COL16A1: variants seen among roughly 807,000 people sequenced by gnomAD.
COL16A1 encodes the protein collagen type XVI alpha 1 chain.
COL16A1 carries 189 observed loss-of-function variants against 266.3 expected under a neutral mutation model. That is an observed-to-expected ratio of 0.71 (90% confidence interval 0.63 to 0.80). The LOEUF (loss-of-function observed/expected upper bound fraction) is 0.80. Ranked by LOEUF, COL16A1 falls within the 30% of genes least tolerant of loss-of-function variation. The probability of loss-of-function intolerance (pLI) is 0.00; values close to 1 mark genes in which losing one functional copy is unlikely to be tolerated. For synonymous variants in COL16A1, 740 were observed against 782.3 expected, an observed-to-expected ratio of 0.95 and a Z score of 0.90; for missense variants, 1,928 against 2,122.4, an observed-to-expected ratio of 0.91 and a Z score of 1.80.
intron 20 of COL16A1, 140 bp from the exon 21 acceptor site, chr1:31,690,713 G>C (rs909203424): frequency 7.3e-7 from 1 of 1,375,354 alleles, no homozygotes; most frequent in Non-Finnish European, 9.7e-7. Context: ...CCATTCGGTC[G>C]GTTCCTGTTG....
Position 31,693,089 on chromosome 1 carries a change from T to G in COL16A1, c.1071+3A>C. 1 of 1,600,214 alleles carries G rather than the reference T, an allele frequency of 6.2e-7. No homozygotes were observed. The highest frequency in any genetic ancestry group is 1.1e-5 in the South Asian group (1 of 90,596). Reference sequence around the variant, plus strand: ...CTGCCACGGGCAGGGCTGGGACACTTACCCGTGCTCCCTTCTCTCCCTTGG... The same window carrying G: ...CTGCCACGGGCAGGGCTGGGACACTGACCCGTGCTCCCTTCTCTCCCTTGG... On this transcript the variant is annotated splice_donor_region_variant and intron_variant, in intron 13 of 70. Transcript: ENST00000373672.
chr1:31,662,322 C>G lies in COL16A1; in HGVS notation c.3681+12G>C, dbSNP rs1208100425. On this transcript the variant is annotated intron_variant, in intron 58 of 70. Coordinates refer to ENST00000373672, the MANE Select transcript of COL16A1 (RefSeq NM_001856.4). Reference sequence around the variant, plus strand: ...AGGAAGGGGTGCCCGCCCTCCCAGCCCATCATCTCACCCTCAAGCCAGGCT... The same window carrying G: ...AGGAAGGGGTGCCCGCCCTCCCAGCGCATCATCTCACCCTCAAGCCAGGCT... The G allele has an allele frequency of 6.2e-7, 1 of 1,610,276 alleles. No homozygotes were observed. The highest frequency in any genetic ancestry group is 1.3e-5 in the African/African-American group (1 of 74,794).
At chr1:31,686,330 C>T (rs1161366530) in intron 26 of COL16A1, 51 bp from the exon 27 acceptor site, 1 of 1,613,418 alleles carries the variant, frequency 6.2e-7, no homozygotes, top group Non-Finnish European at 8.5e-7. Context: ...AGTCTGGGTG[C>T]TAGAGCAATC....
intron 19 of COL16A1, 74 bp downstream of exon 19, chr1:31,691,343 C>T: frequency 1.3e-6 from 2 of 1,581,134 alleles, no homozygotes; most frequent in Non-Finnish European, 1.7e-6. Flanking sequence ...TATCTTCCCC[C>T]CGTTCATTCC....
chr1:31,680,016 G>C, intron 40 of COL16A1, 26 bp downstream of exon 40: 1 of 1,612,952 alleles, frequency 6.2e-7, no homozygotes, highest in Non-Finnish European at 8.5e-7. Context: ...CCCCAGTTGG[G>C]GGAAGGCTCT....
chr1:31,684,904 C>T lies in COL16A1; in HGVS notation c.2017-48G>A, dbSNP rs373121741. ...ACCCGCTCACTCATACCAGCCACCC[C>T]AAAGTGCCCGGCACCACATCAGGCT... On this transcript the variant is annotated intron_variant, in intron 29 of 70. Transcript: ENST00000373672. The T allele has an allele frequency of 6.8e-6, 11 of 1,611,352 alleles. No homozygotes were observed. The Admixed American group carries it at 8.3e-5, about 12-fold the overall frequency.
chr1:31,679,597 C>A, intron 42 of COL16A1, 35 bp downstream of exon 42: 1 of 1,614,204 alleles, frequency 6.2e-7, no homozygotes. Context: ...ATGAGCTCTG[C>A]CACCCAAGCT....
chr1:31,665,609 C>T lies in COL16A1; in HGVS notation c.3466G>A (p.Gly1156Ser), dbSNP rs1316053579. The change falls in exon 55 of 71, where the codon GGC becomes AGC. Residue 1156 changes from glycine to serine, a missense_variant. Gly to Ser is a moderately conservative substitution (Grantham distance 56, BLOSUM62 0). Coordinates refer to ENST00000373672, the MANE Select transcript of COL16A1 (RefSeq NM_001856.4). ...SGEKGDQGFQ[G>S]QPGFPGPPGP... The stretch of plus-strand genomic sequence containing the variant: ...GGTGGGCCCGGAAAGCCTGGCTGGC[C>T]TTGAAATCCCTAGGGTGAGAAGCAA... 6.2e-7 allele frequency: 1 copy of T among 1,613,926 alleles called. No individual in the cohort carries two copies. The highest frequency in any genetic ancestry group is 1.7e-5 in the Admixed American group (1 of 60,004).
chr1:31,680,194 G>A, intron 39 of COL16A1, 93 bp from the exon 40 acceptor site: 1 of 1,527,324 alleles, frequency 6.5e-7, no homozygotes, highest in Middle Eastern at 1.7e-4. Context: ...TAGAGATGGA[G>A]AGGCCAGGGT....
chr1:31,695,981 G>A (rs913259354), intron 9 of COL16A1, 107 bp downstream of exon 9: 77 of 1,123,236 alleles, frequency 6.9e-5, no homozygotes, highest in Non-Finnish European at 9.6e-5. Context: ...CAGGAGGTGG[G>A]AAAGGCGGGA....
chr1:31,668,835 A>G lies in COL16A1; in HGVS notation c.3216T>C (p.Gly1072=). The change falls in exon 50 of 71, where the codon GGT becomes GGC. Residue 1072 remains glycine (G), a synonymous_variant. Coordinates refer to ENST00000373672, the MANE Select transcript of COL16A1 (RefSeq NM_001856.4). The surrounding 1 kb of genome is among the most constrained non-coding windows in gnomAD (Gnocchi z 5.8). ...PGLPGLQGER[G]LTGLTGDKGE... is the part of the protein sequence containing the mutation. ...CCTTGTCTCCAGTCAGGCCCGTGAG[A>G]CCTCGCTCTCCTTGAAGGCCCTTGG... 6.2e-7 allele frequency: 1 copy of G among 1,613,018 alleles called. No individual in the cohort carries two copies. Among genetic ancestry groups the G allele is most frequent in the Non-Finnish European group, 8.5e-7 (1 of 1,179,740 alleles).
intron 8 of COL16A1, 82 bp downstream of exon 8, chr1:31,696,881 G>A: frequency 6.3e-7 from 1 of 1,591,780 alleles, no homozygotes; most frequent in Non-Finnish European, 8.6e-7. Context: ...ACTGACCCTG[G>A]TGGCAGACGT....
chr1:31,667,446 C>A, intron 52 of COL16A1, 129 bp downstream of exon 52: 1 of 732,972 alleles, frequency 1.4e-6, no homozygotes. Context: ...GCCTGTGCTG[C>A]AGGCTTGGGG....
intron 16 of COL16A1, 143 bp from the exon 17 acceptor site, chr1:31,692,210 G>A (rs1644302211): frequency 7.5e-7 from 1 of 1,340,832 alleles, no homozygotes; most frequent in African/African-American, 1.4e-5. Context: ...CACCACGGGA[G>A]GGTAGACAAC....
At chr1:31,654,689 C>A in intron 68 of COL16A1, 103 bp downstream of exon 68, 1 of 1,597,612 alleles carries the variant, frequency 6.3e-7, no homozygotes, top group Non-Finnish European at 8.5e-7. Flanking sequence ...AGGGTGAGAG[C>A]AGGAGGACAT....
chr1:31,694,034 A>ACAGG (rs1263001580), intron 12 of COL16A1, 110 bp downstream of exon 12: 2 of 983,046 alleles, frequency 2.0e-6, no homozygotes, highest in Non-Finnish European at 3.1e-6. Flanking sequence ...CTACACACAT[A>ACAGG]CAGGCTCAGG....
rs977675287 is a variant in COL16A1, at chr1:31,652,397, C to T, written c.*254G>A. On this transcript the variant is annotated 3_prime_UTR_variant, in exon 71 of 71. Coordinates refer to ENST00000373672, the MANE Select transcript of COL16A1 (RefSeq NM_001856.4). The surrounding 1 kb of genome is among the most constrained non-coding windows in gnomAD (Gnocchi z 4.8). ...AGGATTACAGGTATATGCCCCTGTA[C>T]CCAAAATGCCCTTTTTTGTTCCTGG... is the stretch of plus-strand genomic sequence containing the variant. 4.3e-5 allele frequency: 14 copies of T among 324,772 alleles called. No individual in the cohort carries two copies. The highest frequency in any genetic ancestry group is 4.2e-4 in the Admixed American group (9 of 21,436). The allele number at this position is 324,772 out of a possible 1,614,324, so 20.1% of individuals were successfully genotyped here. A position where few individuals can be genotyped will look rare whatever the true frequency, so the allele number is the denominator to read the frequency against.
intron 39 of COL16A1, 83 bp from the exon 40 acceptor site, chr1:31,680,184 T>C (rs2148750769): frequency 1.3e-6 from 2 of 1,543,814 alleles, no homozygotes; most frequent in East Asian, 2.4e-5. Context: ...ACGTGGGCTC[T>C]AGAGATGGAG....
rs1641379206 is a variant in COL16A1, at chr1:31,658,632, C to G, written c.3931-55G>C. 4 of 1,455,290 alleles carry G rather than the reference C, an allele frequency of 2.7e-6. No homozygotes were observed. In the East Asian group the frequency reaches 7.0e-5, roughly 25 times the overall value. The allele number at this position is 1,455,290 out of a possible 1,614,324, so 90.1% of individuals were successfully genotyped here. On this transcript the variant is annotated intron_variant, in intron 63 of 70. Coordinates refer to ENST00000373672, the MANE Select transcript of COL16A1 (RefSeq NM_001856.4). ...GGGAGGAAAGCAGGCAAAGTGGACTCCCATATAGCCAGAGACAGACACCCC... is the reference window on the plus strand; with the variant it reads ...GGGAGGAAAGCAGGCAAAGTGGACTGCCATATAGCCAGAGACAGACACCCC...
Sources: allele counts gnomAD v4.1 joint callset, GRCh38; gene constraint gnomAD v4.1.1; non-coding constraint Gnocchi (gnomAD v3.1); transcripts MANE v1.5; gene names NCBI Gene and HGNC (gene_info 2026-07-23, HGNC 2026-07-21).